Variants in STARD13 observed in about 807,000 individuals in gnomAD.
STARD13 encodes StAR related lipid transfer domain containing 13.
In STARD13, 62 loss-of-function variants were observed where a neutral mutation model predicts 106.4. The ratio of observed to expected loss-of-function variants is 0.58; its 90% CI spans 0.48 to 0.72. The LOEUF (loss-of-function observed/expected upper bound fraction) is 0.72. STARD13 is among the 30% of genes least tolerant of loss of function. The probability of loss-of-function intolerance (pLI) is 0.00; values close to 1 mark genes in which losing one functional copy is unlikely to be tolerated. For synonymous variants in STARD13, 565 were observed against 553.0 expected, an observed-to-expected ratio of 1.02 and a Z score of -0.31; for missense variants, 1,387 against 1,424.0, an observed-to-expected ratio of 0.97 and a Z score of 0.42.
chr13:33,665,365 T>G, the STARD13 span, among the ~76,000 whole-genome samples: 1 of 152,210 alleles, frequency 6.6e-6, no homozygotes, highest in Non-Finnish European at 1.5e-5. Context: ...CAACAAGACA[T>G]GCAAGAAGCT....
the STARD13 span, among the ~76,000 whole-genome samples, chr13:33,583,151 A>C: frequency 0.28 from 42,324 of 152,180 alleles, 7,863 homozygotes; most frequent in Non-Finnish European, 0.4. Context: ...TAGAACTGAC[A>C]TGAGCTGTAG....
chr13:33,671,073 C>A, the STARD13 span, among the ~76,000 whole-genome samples: 1 of 152,190 alleles, frequency 6.6e-6, no homozygotes, highest in Non-Finnish European at 1.5e-5. Flanking sequence ...TGAATTGCCA[C>A]CCATTTTGCA....
At chr13:33,646,397 A>T in the STARD13 span, among the ~76,000 whole-genome samples, 1 of 152,236 alleles carries the variant, frequency 6.6e-6, no homozygotes, top group Non-Finnish European at 1.5e-5. Context: ...ATACAGAGGT[A>T]AGTGGCGGAG....
the STARD13 span, among the ~76,000 whole-genome samples, chr13:33,637,785 G>A: frequency 6.6e-6 from 1 of 152,194 alleles, no homozygotes; most frequent in African/African-American, 2.4e-5. Context: ...ATTCAAGGAA[G>A]TTACAATTAA....
At chr13:33,463,550 C>T in the STARD13 span, among the ~76,000 whole-genome samples, 2 of 152,114 alleles carry the variant, frequency 1.3e-5, no homozygotes, top group Non-Finnish European at 2.9e-5. Flanking sequence ...CAAGACCTGC[C>T]TCCAGAGTCG....
intron 1 of STARD13, among the ~76,000 whole-genome samples, chr13:33,231,354 GC>G (rs1056184183): frequency 1.3e-5 from 2 of 152,222 alleles, no homozygotes; most frequent in African/African-American, 4.8e-5. Flanking sequence ...CGAGGCTCAG[GC>G]CTGGCACATG....
the STARD13 span, among the ~76,000 whole-genome samples, chr13:33,369,737 TG>T: frequency 6.6e-6 from 1 of 152,228 alleles, no homozygotes; most frequent in Non-Finnish European, 1.5e-5. Context: ...GTTTTTTTTT[TG>T]AAGGCAGTTG....
chr13:33,248,550 G>A (rs1489567479), intron 1 of STARD13, among the ~76,000 whole-genome samples: 1 of 152,092 alleles, frequency 6.6e-6, no homozygotes, highest in Non-Finnish European at 1.5e-5. Flanking sequence ...GGAGCAGCAG[G>A]GCCTCTGGCC....
the STARD13 span, among the ~76,000 whole-genome samples, chr13:33,499,519 T>TTTCTTTCTTC: frequency 5.4e-5 from 5 of 91,978 alleles, no homozygotes; most frequent in Admixed American, 1.2e-4. Flanking sequence ...TTCTTCTTTC[T>TTTCTTTCTTC]TTCTTCTTCT....
the STARD13 span, among the ~76,000 whole-genome samples, chr13:33,365,513 TA>T: frequency 6.6e-6 from 1 of 152,176 alleles, no homozygotes; most frequent in East Asian, 1.9e-4. Flanking sequence ...CCAGGGAAGG[TA>T]AGGCGGGTAG....
At chr13:33,499,495 CCTTCTT>C in the STARD13 span, among the ~76,000 whole-genome samples, 1 of 75,068 alleles carries the variant, frequency 1.3e-5, no homozygotes, top group Non-Finnish European at 2.5e-5. Context: ...AGTCTTTTCT[CCTTCTT>C]CTTCTTCTTC....
chr13:33,323,498 G>A (rs984349110), intron 1 of STARD13, among the ~76,000 whole-genome samples: 15 of 152,000 alleles, frequency 9.9e-5, no homozygotes, highest in Non-Finnish European at 2.1e-4. Flanking sequence ...CCCCCTAGAC[G>A]GCAGGCAAGT....
At chr13:33,665,406 C>A in the STARD13 span, among the ~76,000 whole-genome samples, 2 of 152,070 alleles carry the variant, frequency 1.3e-5, no homozygotes, top group Non-Finnish European at 2.9e-5. Context: ...TAAGAAAAAA[C>A]AATACACAGA....
chr13:33,458,642 A>G, the STARD13 span, among the ~76,000 whole-genome samples: 1 of 152,038 alleles, frequency 6.6e-6, no homozygotes, highest in Non-Finnish European at 1.5e-5. Context: ...CTTTATGTAA[A>G]TTAGAATCCA....
At chr13:33,495,484 G>A in the STARD13 span, among the ~76,000 whole-genome samples, 2 of 152,038 alleles carry the variant, frequency 1.3e-5, no homozygotes, top group South Asian at 2.1e-4. Context: ...GTTAAAGGAC[G>A]GGAAAGCTTG....
chr13:33,350,163 G>C (rs1318358009), intron 1 of STARD13: 1 of 1,254,728 alleles, frequency 8.0e-7, no homozygotes, highest in Non-Finnish European at 1.0e-6. Context: ...CAGCCCGCTC[G>C]CCCCGGCCTT....
the STARD13 span, among the ~76,000 whole-genome samples, chr13:33,437,269 C>T: frequency 6.6e-6 from 1 of 152,120 alleles, no homozygotes; most frequent in African/African-American, 2.4e-5. Flanking sequence ...CCCCCAGTCA[C>T]GTGTACCCCC....
chr13:33,282,129 C>A (rs537446881), intron 1 of STARD13, among the ~76,000 whole-genome samples: 1 of 152,084 alleles, frequency 6.6e-6, no homozygotes, highest in African/African-American at 2.4e-5. Flanking sequence ...AAATAAGGAC[C>A]ATTCTTATTT....
chr13:33,609,471 G>A, the STARD13 span, among the ~76,000 whole-genome samples: 1 of 152,158 alleles, frequency 6.6e-6, no homozygotes, highest in South Asian at 2.1e-4. Flanking sequence ...TGGTGAGCTT[G>A]AAAATTAACA....
Sources: gnomAD v4.1 joint callset for allele counts (sites outside exome capture counted in the v4.1 genomes callset) on GRCh38, gnomAD v4.1.1 for gene constraint, MANE v1.5 for transcripts, NCBI Gene and HGNC (gene_info 2026-07-23, HGNC 2026-07-21) for gene names.